Variants in ABL2 observed in about 807,000 individuals in gnomAD.
ABL2 encodes tyrosine-protein kinase ABL2.
In ABL2, 49 loss-of-function variants were observed where a neutral mutation model predicts 107.7. The observed-to-expected ratio is 0.45, with a 90% confidence interval of 0.36 to 0.58. The LOEUF is 0.58. ABL2 is among the 20% of genes least tolerant of loss of function. The pLI, the probability that ABL2 is intolerant of heterozygous loss-of-function variation, is 0.00. For synonymous variants in ABL2, 549 were observed against 548.6 expected, an observed-to-expected ratio of 1.00 and a Z score of -0.01; for missense variants, 1,245 against 1,457.0, an observed-to-expected ratio of 0.85 and a Z score of 2.37.
Position 179,108,751 on chromosome 1 carries a change from T to C in ABL2, c.2516A>G (p.Glu839Gly), listed in dbSNP as rs746176687. The change falls in exon 12 of 12, where the codon GAA (glutamate) becomes GGA (glycine). Residue 839 changes from glutamate (E) to glycine (G), a missense_variant. Transcript: ENST00000502732. Reference sequence around the variant, plus strand: ...TCTCTCCCTGCTTGGAGCAGCACTTTCCTCTGATTTTTTTGGAAGCATGTC... The same window carrying C: ...TCTCTCCCTGCTTGGAGCAGCACTTCCCTCTGATTTTTTTGGAAGCATGTC... ...ANDMLPKKSE[E>G]SAAPSRERPK... is the part of the protein sequence containing the mutation. The C allele has an allele frequency of 1.3e-4, 206 of 1,614,068 alleles. No individual in the cohort carries two copies. The highest frequency in any genetic ancestry group is 1.7e-4 in the Non-Finnish European group (203 of 1,180,040).
intron 1 of ABL2, among the ~76,000 whole-genome samples, chr1:179,138,603 C>T (rs920494199): frequency 2.0e-5 from 3 of 152,178 alleles, no homozygotes; most frequent in African/African-American, 7.2e-5. Flanking sequence ...CAGTTAATGG[C>T]AATTCCATCT....
intron 2 of ABL2, among the ~76,000 whole-genome samples, chr1:179,132,629 C>T (rs1656453146): frequency 6.6e-6 from 1 of 151,930 alleles, no homozygotes; most frequent in African/African-American, 2.4e-5. Context: ...CCTCTGCCTC[C>T]CGAGTTCAAG....
chr1:179,215,554 C>G (rs776144029), intron 1 of ABL2, among the ~76,000 whole-genome samples: 1 of 152,058 alleles, frequency 6.6e-6, no homozygotes, highest in South Asian at 2.1e-4. Context: ...GCTAACAACC[C>G]TTTCTCTACT....
At chr1:179,140,547 T>C (rs901372566) in intron 1 of ABL2, among the ~76,000 whole-genome samples, 2 of 152,218 alleles carry the variant, frequency 1.3e-5, no homozygotes, top group African/African-American at 4.8e-5. Flanking sequence ...ACCAGGATTG[T>C]TGTCTGTTTT....
intron 3 of ABL2, among the ~76,000 whole-genome samples, chr1:179,128,030 T>TAA (rs11419750): frequency 0.093 from 11,667 of 124,820 alleles, 561 homozygotes; most frequent in African/African-American, 0.12. Context: ...GTGAGACTGC[T>TAA]AAAAAAAAAA....
At position 179,157,774 on chromosome 1, in the gene ABL2, G is replaced by A. The variant is rs1454561015; in HGVS notation, c.158-24400C>T. ...GGCTGGAGTGCAATGGTGCAATCAC[G>A]GCTTACTGCAGCCTCATACTCCTGG... On this transcript the variant is annotated intron_variant, in intron 1 of 11. Coordinates refer to ENST00000502732, the MANE Select transcript of ABL2 (RefSeq NM_007314.4). Among the ~76,000 whole-genome samples, 3 of 149,740 alleles carry A rather than the reference G, an allele frequency of 2.0e-5. No individual in the cohort carries two copies. In the East Asian group the frequency reaches 6.0e-4, roughly 30 times the overall value.
chr1:179,145,241 AC>A (rs1657902752), intron 1 of ABL2, among the ~76,000 whole-genome samples: 1 of 152,178 alleles, frequency 6.6e-6, no homozygotes, highest in African/African-American at 2.4e-5. Flanking sequence ...GGATGGCTAT[AC>A]AACATTATGA....
rs934045536 is a variant in ABL2 at position 179,103,519 on chromosome 1, A to G, written c.*4199T>C. 1 of 212,596 alleles carries G rather than the reference A, an allele frequency of 4.7e-6. No homozygotes were observed. Among genetic ancestry groups the G allele is most frequent in the Non-Finnish European group, 9.5e-6 (1 of 105,052 alleles). 13.2% of individuals were successfully genotyped at this position (212,596 alleles called of 1,614,324 possible). ...GTAGGACTAACTAGGTTTTTTAAAA[A>G]CTCAAGTTGGTATTTCTTTACTACA... On this transcript the variant is annotated 3_prime_UTR_variant, in exon 12 of 12. Transcript: ENST00000502732.
At chr1:179,189,710 G>A (rs930422968) in intron 1 of ABL2, among the ~76,000 whole-genome samples, 1 of 152,024 alleles carries the variant, frequency 6.6e-6, no homozygotes. Flanking sequence ...CAGATGTGTG[G>A]GGTTATTTCC....
At position 179,153,866 on chromosome 1, in the gene ABL2, T is replaced by G. The variant is rs116107882; in HGVS notation, c.158-20492A>C. Among the ~76,000 whole-genome samples the G allele has an allele frequency of 2.2e-3, 342 of 152,276 alleles. 3 individuals are homozygous for G. The highest frequency in any genetic ancestry group is 7.7e-3 in the African/African-American group (318 of 41,550). ...ATGGATAAGTAGATACCTTTGGATA[T>G]CCTAAAGGCAACAAAAATCCATTTT... On this transcript the variant is annotated intron_variant, in intron 1 of 11. Coordinates refer to ENST00000502732, the MANE Select transcript of ABL2 (RefSeq NM_007314.4).
chr1:179,103,328 C>A lies in ABL2; in HGVS notation c.*4390G>T, dbSNP rs1653254824. Reference sequence around the variant, plus strand: ...TACGTATCTACATTTTCAGGTACCCCACAGGGTCCATCCACATTGAATCAA... The same window carrying A: ...TACGTATCTACATTTTCAGGTACCCAACAGGGTCCATCCACATTGAATCAA... On this transcript the variant is annotated 3_prime_UTR_variant, in exon 12 of 12. Transcript: ENST00000502732. The A allele has an allele frequency of 4.9e-6, 1 of 206,158 alleles. No homozygotes were observed. The highest frequency in any genetic ancestry group is 9.9e-6 in the Non-Finnish European group (1 of 101,114). The allele number at this position is 206,158 out of a possible 1,614,324, so 12.8% of individuals were successfully genotyped here. A position where few individuals can be genotyped will look rare whatever the true frequency, so the allele number is the denominator to read the frequency against.
rs761993297 is a variant in ABL2, at chr1:179,108,945, A to G, written c.2322T>C (p.Thr774=). 6.2e-7 allele frequency: 1 copy of G among 1,614,128 alleles called. No individual in the cohort carries two copies. Residue 774 remains threonine (T), a synonymous_variant, in exon 12 of 12, where the codon ACT becomes ACC. Coordinates refer to ENST00000502732, the MANE Select transcript of ABL2 (RefSeq NM_007314.4). ...AGTTTGACCTTGGAAAAGGCTTGGA[A>G]GTGTCATCACTGGCTGTGGGTTTAC... is the stretch of plus-strand genomic sequence containing the variant. The part of the protein sequence containing the change: ...RAGKPTASDD[T]SKPFPRSNST...
chr1:179,154,751 T>C (rs1268263663), intron 1 of ABL2, among the ~76,000 whole-genome samples: 2 of 152,206 alleles, frequency 1.3e-5, no homozygotes, highest in East Asian at 1.9e-4. Flanking sequence ...ATCTCCCTAA[T>C]AGCATCCCTT....
intron 1 of ABL2, among the ~76,000 whole-genome samples, chr1:179,202,449 G>A (rs1661726850): frequency 6.6e-6 from 1 of 150,588 alleles, no homozygotes; most frequent in Non-Finnish European, 1.5e-5. Context: ...ATCTTAGACT[G>A]AGTATGTTCT....
rs781422858 is a variant in ABL2 at position 179,109,380 on chromosome 1, G to A, written c.1887C>T (p.Asp629=). 2 of 1,614,108 alleles carry A rather than the reference G, an allele frequency of 1.2e-6. No individual in the cohort carries two copies. The highest frequency in any genetic ancestry group is 3.3e-5 in the Admixed American group (2 of 60,010). The change falls in exon 12 of 12, where the codon GAC becomes GAT. Residue 629 remains aspartate (D), a synonymous_variant. Transcript: ENST00000502732. ...CTTCCAAGAGGCTGCTGGGTGACTT[G>A]TCTCTTTGCTTTCGAGGCAGTGCTG... The part of the protein sequence containing the change: ...GSPALPRKQR[D]KSPSSLLEDA...
At chr1:179,117,275 A>C (rs1367965127) in intron 8 of ABL2, 57 bp downstream of exon 8, 3 of 1,515,016 alleles carry the variant, frequency 2.0e-6, no homozygotes, top group Non-Finnish European at 2.7e-6. Context: ...TAAAGAATCA[A>C]GGCATTTATA....
At chr1:179,229,184 C>A (rs1165132293) in intron 1 of ABL2, 57 bp downstream of exon 1, 27 of 496,980 alleles carry the variant, frequency 5.4e-5, no homozygotes, top group Non-Finnish European at 8.7e-5. Flanking sequence ...CCCACCCCGC[C>A]CCGACCCCAC....
At chr1:179,116,274 T>G (rs566960200) in intron 8 of ABL2, among the ~76,000 whole-genome samples, 1 of 152,092 alleles carries the variant, frequency 6.6e-6, no homozygotes, top group African/African-American at 2.4e-5. Context: ...CTCTGGAGGC[T>G]GAGGCAGGAG....
chr1:179,184,657 G>T, intron 1 of ABL2: 2 of 493,946 alleles, frequency 4.0e-6, no homozygotes, highest in East Asian at 4.1e-5. Flanking sequence ...TGATGATAAA[G>T]GGAAGGAAGG....
Sources: gnomAD v4.1 joint callset for allele counts (sites outside exome capture counted in the v4.1 genomes callset) on GRCh38, gnomAD v4.1.1 for gene constraint, MANE v1.5 for transcripts, NCBI Gene and HGNC (gene_info 2026-07-23, HGNC 2026-07-21) for gene names.